The following EYS variants were observed in gnomAD, a reference collection of about 807,000 sequenced individuals.
EYS encodes the protein EGF-like photoreceptor maintenance factor, also known as protein eyes shut homolog.
A neutral mutation model predicts 282.1 loss-of-function variants in EYS; 250 were observed. That is an observed-to-expected ratio of 0.89 (90% confidence interval 0.80 to 0.98). EYS has a LOEUF of 0.98. Ranked by LOEUF, EYS falls within the 50% of genes least tolerant of loss-of-function variation. The probability of loss-of-function intolerance (pLI) is 0.00; values close to 1 mark genes in which losing one functional copy is unlikely to be tolerated. For synonymous variants in EYS, 1,355 were observed against 1,282.9 expected (o/e 1.06, Z -1.20); for missense variants, 4,016 against 3,709.0 (o/e 1.08, Z -2.15).
intron 33 of EYS, among the ~76,000 whole-genome samples, chr6:64,032,482 G>A (rs181532328): frequency 1.2e-3 from 187 of 152,338 alleles, no homozygotes; most frequent in African/African-American, 3.5e-3. Flanking sequence ...CCACGTGTCT[G>A]TGGACACAAA....
intron 13 of EYS, among the ~76,000 whole-genome samples, chr6:65,031,697 T>A (rs906693727): frequency 6.6e-6 from 1 of 152,136 alleles, no homozygotes; most frequent in Non-Finnish European, 1.5e-5. Context: ...AACAAAGATA[T>A]AATTTACCAG....
intron 9 of EYS, among the ~76,000 whole-genome samples, chr6:65,348,172 T>C (rs1374307951): frequency 1.3e-5 from 2 of 151,844 alleles, no homozygotes; most frequent in Non-Finnish European, 2.9e-5. Context: ...TTGGCTATTG[T>C]GAACAGTGCT....
intron 13 of EYS, among the ~76,000 whole-genome samples, chr6:65,028,693 T>C (rs1268243854): frequency 6.6e-6 from 1 of 152,138 alleles, no homozygotes; most frequent in African/African-American, 2.4e-5. Flanking sequence ...TGGACATTTT[T>C]AGTTAGGTTG....
chr6:64,736,639 T>C (rs1186792321), intron 22 of EYS, among the ~76,000 whole-genome samples: 1 of 152,208 alleles, frequency 6.6e-6, no homozygotes, highest in Non-Finnish European at 1.5e-5. Context: ...GTAAGTCAAA[T>C]ATTTTCCTGT....
At chr6:65,609,507 G>A (rs189588903) in intron 2 of EYS, among the ~76,000 whole-genome samples, 4 of 152,034 alleles carry the variant, frequency 2.6e-5, no homozygotes, top group Admixed American at 2.0e-4. Context: ...CATCTTAAAA[G>A]GAGATTCTCA....
At chr6:65,497,127 A>G (rs1187984445) in intron 2 of EYS, among the ~76,000 whole-genome samples, 1 of 152,090 alleles carries the variant, frequency 6.6e-6, no homozygotes. Context: ...TAAATTATCA[A>G]TCTTGCTAAA....
intron 7 of EYS, among the ~76,000 whole-genome samples, chr6:65,388,882 C>A (rs1334385377): frequency 6.6e-6 from 1 of 152,010 alleles, no homozygotes; most frequent in Non-Finnish European, 1.5e-5. Context: ...TCTAGTTTCT[C>A]AGGTCAAAAA....
chr6:64,464,878 A>G (rs904713379), intron 26 of EYS, among the ~76,000 whole-genome samples: 1 of 152,038 alleles, frequency 6.6e-6, no homozygotes. Context: ...AGATAAAAAT[A>G]AAAATGTTTT....
At chr6:65,103,321 A>G (rs56354649) in intron 12 of EYS, among the ~76,000 whole-genome samples, 24,765 of 151,462 alleles carry the variant, frequency 0.16, 2,261 homozygotes, top group Middle Eastern at 0.21. Context: ...TGGTGAGAAG[A>G]CACAGTACTT....
At chr6:64,902,935 C>A (rs1767712458) in intron 16 of EYS, among the ~76,000 whole-genome samples, 1 of 151,790 alleles carries the variant, frequency 6.6e-6, no homozygotes, top group South Asian at 2.1e-4. Flanking sequence ...TTTTTATATC[C>A]AAGTGATTCA....
chr6:63,867,677 C>A (rs1207280420), intron 35 of EYS, among the ~76,000 whole-genome samples: 1 of 152,084 alleles, frequency 6.6e-6, no homozygotes, highest in African/African-American at 2.4e-5. Context: ...TATTTTAAGG[C>A]CTTAGCTCTG....
chr6:65,440,822 C>A (rs1028434916), intron 5 of EYS, among the ~76,000 whole-genome samples: 1 of 145,066 alleles, frequency 6.9e-6, no homozygotes, highest in African/African-American at 2.5e-5. Flanking sequence ...GACTTAATTC[C>A]TTTGTGTAGA....
At chr6:64,715,670 G>A (rs115636801) in intron 22 of EYS, among the ~76,000 whole-genome samples, 1 of 152,150 alleles carries the variant, frequency 6.6e-6, no homozygotes, top group Non-Finnish European at 1.5e-5. Flanking sequence ...GGAGAAAGAA[G>A]ACCCTGGCTC....
At chr6:65,081,766 A>G (rs1460292048) in intron 12 of EYS, among the ~76,000 whole-genome samples, 3 of 152,106 alleles carry the variant, frequency 2.0e-5, no homozygotes, top group African/African-American at 7.2e-5. Flanking sequence ...AACATGGGTC[A>G]CAATTTTAAG....
At chr6:65,014,730 T>C (rs1771988036) in intron 13 of EYS, among the ~76,000 whole-genome samples, 2 of 152,236 alleles carry the variant, frequency 1.3e-5, no homozygotes, top group South Asian at 4.1e-4. Context: ...CCATTAAGGG[T>C]AGCATGGTAG....
chr6:64,573,981 G>A (rs1395044115), intron 26 of EYS, among the ~76,000 whole-genome samples: 3 of 152,152 alleles, frequency 2.0e-5, no homozygotes, highest in Non-Finnish European at 4.4e-5. Context: ...ACACATGTAT[G>A]TTTATTGCAG....
intron 36 of EYS, among the ~76,000 whole-genome samples, chr6:63,819,801 T>C (rs575487464): frequency 1.3e-5 from 2 of 152,214 alleles, no homozygotes; most frequent in Middle Eastern, 3.4e-3. Flanking sequence ...CCATGACTAG[T>C]AGGGAAAGAA....
At chr6:64,656,632 C>T (rs374360146) in intron 22 of EYS, among the ~76,000 whole-genome samples, 50 of 152,134 alleles carry the variant, frequency 3.3e-4, no homozygotes, top group South Asian at 8.3e-4. Context: ...TCTGATCAAC[C>T]GTAAAAAACA....
intron 28 of EYS, among the ~76,000 whole-genome samples, chr6:64,412,140 T>C (rs1326500986): frequency 6.6e-6 from 1 of 151,760 alleles, no homozygotes; most frequent in Non-Finnish European, 1.5e-5. Context: ...CAATAAAATG[T>C]AATTAAAATC....
Sources: allele counts gnomAD v4.1 joint callset (sites outside exome capture counted in the v4.1 genomes callset), GRCh38; gene constraint gnomAD v4.1.1; transcripts MANE v1.5; gene names NCBI Gene and HGNC (gene_info 2026-07-23, HGNC 2026-07-21).